The following DAG1 variants were observed in gnomAD, a reference collection of about 807,000 sequenced individuals.
The protein encoded by DAG1 is dystroglycan 1 (dystrophin-associated glycoprotein 1).
DAG1 carries 8 observed loss-of-function variants against 46.1 expected under a neutral mutation model. The ratio of observed to expected loss-of-function variants is 0.17; its 90% CI spans 0.10 to 0.31. The LOEUF (loss-of-function observed/expected upper bound fraction) is 0.31. DAG1 is among the 10% of genes least tolerant of loss of function. The pLI is 1.00. For missense variants in DAG1, 1,003 were observed against 1,189.9 expected (o/e 0.84, Z 2.31); for synonymous variants, 495 against 481.8 (o/e 1.03, Z -0.36).
At chr3:49,529,501 G>A (rs1464175556) in intron 2 of DAG1, among the ~76,000 whole-genome samples, 1 of 152,164 alleles carries the variant, frequency 6.6e-6, no homozygotes, top group East Asian at 1.9e-4. Context: ...GAAGCCCAGG[G>A]AACCAGAGGC....
At chr3:49,473,708 G>A (rs1173508837) in intron 1 of DAG1, among the ~76,000 whole-genome samples, 2 of 150,856 alleles carry the variant, frequency 1.3e-5, no homozygotes, top group African/African-American at 4.9e-5. Context: ...TCAGCCTCCC[G>A]AGTAGCTGGG....
chr3:49,484,050 C>G (rs1325119472), intron 1 of DAG1, among the ~76,000 whole-genome samples: 1 of 152,092 alleles, frequency 6.6e-6, no homozygotes, highest in African/African-American at 2.4e-5. Flanking sequence ...AAGAGAGGCT[C>G]TTTATTAAAG....
At chr3:49,473,289 C>T (rs1303994743) in intron 1 of DAG1, among the ~76,000 whole-genome samples, 2 of 150,480 alleles carry the variant, frequency 1.3e-5, no homozygotes, top group Non-Finnish European at 3.0e-5. Context: ...GTGGCGGGCG[C>T]CTGTAGTCCC....
intron 2 of DAG1, among the ~76,000 whole-genome samples, chr3:49,522,274 C>T (rs2051050479): frequency 2.0e-5 from 3 of 151,964 alleles, no homozygotes; most frequent in Admixed American, 6.6e-5. Context: ...TCAGGTGATC[C>T]GCTCACCTCA....
chr3:49,478,432 A>C (rs975486011), intron 1 of DAG1, among the ~76,000 whole-genome samples: 1 of 67,350 alleles, frequency 1.5e-5, no homozygotes, highest in Non-Finnish European at 3.4e-5. Context: ...CTGTCTCTAC[A>C]AAAAATAAAA....
chr3:49,491,911 G>A (rs1472382694), intron 1 of DAG1, among the ~76,000 whole-genome samples: 2 of 147,894 alleles, frequency 1.4e-5, no homozygotes, highest in East Asian at 2.1e-4. Flanking sequence ...GAGCTGCCTC[G>A]CCTGGCCCCA....
intron 1 of DAG1, among the ~76,000 whole-genome samples, chr3:49,484,317 G>T (rs763991091): frequency 6.6e-6 from 1 of 152,000 alleles, no homozygotes; most frequent in Non-Finnish European, 1.5e-5. Context: ...AGCAGGAGAC[G>T]TTGGTTCTTC....
intron 1 of DAG1, among the ~76,000 whole-genome samples, chr3:49,505,298 T>G (rs532786679): frequency 6.6e-6 from 1 of 152,186 alleles, no homozygotes; most frequent in Non-Finnish European, 1.5e-5. Flanking sequence ...TTTTTTTAAT[T>G]ACTATGTTGC....
chr3:49,516,454 C>T (rs990292096), intron 2 of DAG1, among the ~76,000 whole-genome samples: 8 of 152,252 alleles, frequency 5.3e-5, no homozygotes, highest in African/African-American at 1.2e-4. Context: ...GCCTCAGGCC[C>T]TGTGACACAC....
intron 2 of DAG1, among the ~76,000 whole-genome samples, chr3:49,517,032 C>T (rs772793596): frequency 2.7e-4 from 39 of 142,450 alleles, no homozygotes; most frequent in Non-Finnish European, 3.9e-4. Flanking sequence ...CTCGCTCTGT[C>T]GCCCAGGCTG....
intron 2 of DAG1, among the ~76,000 whole-genome samples, chr3:49,520,161 C>CT (rs2050991313): frequency 6.6e-6 from 1 of 152,234 alleles, no homozygotes; most frequent in Non-Finnish European, 1.5e-5. Flanking sequence ...TGACCTTAAG[C>CT]TAGAGGCTCT....
At position 49,532,008 on chromosome 3, in the gene DAG1, C is replaced by G; in HGVS notation, c.1497C>G (p.Leu499=). Residue 499 remains leucine, a synonymous_variant, in exon 3 of 3, where the codon CTC becomes CTG. Coordinates refer to ENST00000308775, the MANE Select transcript of DAG1 (RefSeq NM_004393.6). This position sits in a 1 kb window ranked among gnomAD's most constrained non-coding sequence, Gnocchi z 5.4. ...RGGEPNQRPE[L]KNHIDRVDAW... is the part of the protein sequence containing the mutation. ...GAGAACCCAACCAGCGCCCAGAGCTCAAGAACCATATTGACAGGGTAGATG... is the reference window on the plus strand; with the variant it reads ...GAGAACCCAACCAGCGCCCAGAGCTGAAGAACCATATTGACAGGGTAGATG... 6.2e-7 allele frequency: 1 copy of G among 1,614,224 alleles called. No individual in the cohort carries two copies. The highest frequency in any genetic ancestry group is 8.5e-7 in the Non-Finnish European group (1 of 1,180,034).
At chr3:49,514,307 A>G (rs1433243884) in intron 2 of DAG1, among the ~76,000 whole-genome samples, 1 of 152,152 alleles carries the variant, frequency 6.6e-6, no homozygotes, top group Non-Finnish European at 1.5e-5. Context: ...TGATGCATAA[A>G]TGTACATTGT....
At chr3:49,509,753 G>A (rs139126820) in intron 1 of DAG1, among the ~76,000 whole-genome samples, 29 of 151,388 alleles carry the variant, frequency 1.9e-4, no homozygotes, top group African/African-American at 6.5e-4. Context: ...TTTTGAGGTC[G>A]AGTCTCACTC....
chr3:49,474,657 A>G (rs1170645663), intron 1 of DAG1, among the ~76,000 whole-genome samples: 1 of 151,668 alleles, frequency 6.6e-6, no homozygotes, highest in East Asian at 1.9e-4. Context: ...TGATTTTTGT[A>G]TTTTTTGTAG....
rs1301897643 is a variant in DAG1, at chr3:49,533,625, TGTAACATG to T, written c.*428_*435del. 1 of 334,752 alleles carries T rather than the reference TGTAACATG, an allele frequency of 3.0e-6. No homozygotes were observed. Among genetic ancestry groups the T allele is most frequent in the Non-Finnish European group, 5.8e-6 (1 of 173,054 alleles). The allele number at this position is 334,752 out of a possible 1,614,324, so 20.7% of individuals were successfully genotyped here. On this transcript the variant is annotated 3_prime_UTR_variant, in exon 3 of 3. Coordinates refer to ENST00000308775, the MANE Select transcript of DAG1 (RefSeq NM_004393.6). ...TATTCACGTGTGTCTAGCTGCAGGA[TGTAACATG>T]GAAAACAGTAACTAAAGATTAAATT... is the stretch of plus-strand genomic sequence containing the variant.
intron 1 of DAG1, among the ~76,000 whole-genome samples, chr3:49,485,143 C>A (rs1288958046): frequency 6.6e-6 from 1 of 151,990 alleles, no homozygotes; most frequent in Non-Finnish European, 1.5e-5. Flanking sequence ...TCTGCCACCA[C>A]GCCTGGCTAA....
Position 49,532,611 on chromosome 3 carries a change from T to C in DAG1, c.2100T>C (p.Phe700=). ...TCTCCAACGCCCTAGAGCCTGACTTTAAGGCCACAAGCATCACTGTGACGG... is the reference window on the plus strand; with the variant it reads ...TCTCCAACGCCCTAGAGCCTGACTTCAAGGCCACAAGCATCACTGTGACGG... ...PAFSNALEPD[F]KATSITVTGS... is the part of the protein sequence containing the mutation. The change falls in exon 3 of 3, where the codon TTT becomes TTC. Residue 700 remains phenylalanine, a synonymous_variant. Coordinates refer to ENST00000308775, the MANE Select transcript of DAG1 (RefSeq NM_004393.6). The surrounding 1 kb of genome is among the most constrained non-coding windows in gnomAD (Gnocchi z 5.4). 6.2e-7 allele frequency: 1 copy of C among 1,613,022 alleles called. No homozygotes were observed. Among genetic ancestry groups the C allele is most frequent in the Admixed American group, 1.7e-5 (1 of 59,980 alleles).
chr3:49,516,696 A>G (rs1035515477), intron 2 of DAG1, among the ~76,000 whole-genome samples: 1 of 152,170 alleles, frequency 6.6e-6, no homozygotes, highest in African/African-American at 2.4e-5. Flanking sequence ...GCCCCTGTCA[A>G]TCATTAAGTG....
Sources: gnomAD v4.1 joint callset for allele counts (sites outside exome capture counted in the v4.1 genomes callset) on GRCh38, gnomAD v4.1.1 for gene constraint, Gnocchi (gnomAD v3.1) non-coding constraint, MANE v1.5 for transcripts, NCBI Gene and HGNC (gene_info 2026-07-23, HGNC 2026-07-21) for gene names.